The following ADAMTS20 variants were observed in gnomAD, a reference collection of about 807,000 sequenced individuals.
ADAMTS20 encodes A disintegrin and metalloproteinase with thrombospondin motifs 20.
Under a neutral mutation model 260.1 loss-of-function variants are expected in ADAMTS20, and 225 were observed. The ratio of observed to expected loss-of-function variants is 0.87; its 90% CI spans 0.78 to 0.97. ADAMTS20 has a LOEUF of 0.97. Among genes scored for constraint, ADAMTS20 ranks in the 50% least tolerant of loss-of-function variants. The pLI is 0.00. For missense variants in ADAMTS20, 2,400 were observed against 2,337.7 expected (o/e 1.03, Z -0.55); for synonymous variants, 802 against 769.5 (o/e 1.04, Z -0.70).
Position 43,551,904 on chromosome 12 carries a change from C to T in ADAMTS20, c.18G>A (p.Trp6Ter), listed in dbSNP as rs769088137. The part of the protein sequence containing the change: MWVAK[W>*]LTGLLYHLSL... ...AGAGATGGTAGAGCAGCCCAGTCAG[C>T]CACTTGGCCACCCACATGGTTCCAC... Residue 6 changes from tryptophan (W) to a stop codon, truncating the protein, a stop_gained, in exon 1 of 39, where the codon TGG becomes TGA. Coordinates refer to ENST00000389420, the MANE Select transcript of ADAMTS20 (RefSeq NM_025003.5). LOFTEE classifies it high-confidence loss of function. The surrounding 1 kb of genome is among the most constrained non-coding windows in gnomAD (Gnocchi z 4.6). 1.3e-4 allele frequency: 206 copies of T among 1,613,602 alleles called. 2 individuals carry two copies. Among genetic ancestry groups the T allele is most frequent in the Middle Eastern group, 6.6e-4 (4 of 6,060 alleles).
Position 43,532,060 on chromosome 12 carries a change from T to A in ADAMTS20, c.589A>T (p.Thr197Ser). 4 of 1,601,804 alleles carry A rather than the reference T, an allele frequency of 2.5e-6. No homozygotes were observed. The highest frequency in any genetic ancestry group is 3.4e-6 in the Non-Finnish European group (4 of 1,173,678). Residue 197 changes from threonine to serine, a missense_variant, in exon 3 of 39, where the codon ACT becomes TCT. Transcript: ENST00000389420. ...RQDLNNSFLQ[T>S]LKYCSVSESQ... is the part of the protein sequence containing the mutation. ...CCTGACACACTGCAATACTTCAGAG[T>A]CTGCAGAAAAGAGTTATTTAAGTCT...
At chr12:43,403,581 A>T (rs544498192) in intron 28 of ADAMTS20, among the ~76,000 whole-genome samples, 13 of 152,274 alleles carry the variant, frequency 8.5e-5, no homozygotes, top group Non-Finnish European at 1.2e-4. Context: ...GGGTAACTAT[A>T]AAATACCTAT....
chr12:43,505,461 A>G (rs1179987573), intron 3 of ADAMTS20, among the ~76,000 whole-genome samples: 1 of 152,352 alleles, frequency 6.6e-6, no homozygotes, highest in East Asian at 1.9e-4. Flanking sequence ...CAACCTGATT[A>G]AAAATGAGTA....
intron 31 of ADAMTS20, 143 bp from the exon 32 acceptor site, chr12:43,377,705 T>G (rs1018307511): frequency 2.8e-6 from 2 of 702,672 alleles, no homozygotes; most frequent in Non-Finnish European, 4.4e-6. Flanking sequence ...TGAGCAAACA[T>G]AGGTTCAGAC....
intron 3 of ADAMTS20, among the ~76,000 whole-genome samples, chr12:43,514,774 A>G: frequency 6.6e-6 from 1 of 152,112 alleles, no homozygotes; most frequent in Non-Finnish European, 1.5e-5. Flanking sequence ...AAAATCTTAT[A>G]TCAGTGAATT....
At chr12:43,540,147 G>A (rs12317957) in intron 2 of ADAMTS20, among the ~76,000 whole-genome samples, 2,264 of 152,312 alleles carry the variant, frequency 0.015, 53 homozygotes, top group African/African-American at 0.05. Context: ...TGGGATTACA[G>A]GCGTTAGCCA....
At position 43,375,464 on chromosome 12, in the gene ADAMTS20, G is replaced by C; in HGVS notation, c.5361C>G (p.Asp1787Glu). 6.2e-7 allele frequency: 1 copy of C among 1,613,256 alleles called. No homozygotes were observed. Among genetic ancestry groups the C allele is most frequent in the Non-Finnish European group, 8.5e-7 (1 of 1,179,346 alleles). ...QCPFNGSRRE[D>E]CECDNGHLAA... Reference sequence around the variant, plus strand: ...CTAAGTGTCCATTGTCACATTCACAGTCTTCCCTTCTACTCCCATTAAAAG... The same window carrying C: ...CTAAGTGTCCATTGTCACATTCACACTCTTCCCTTCTACTCCCATTAAAAG... Residue 1787 changes from aspartate (D) to glutamate (E), a missense_variant, in exon 36 of 39, where the codon GAC becomes GAG. Transcript: ENST00000389420.
intron 29 of ADAMTS20, 105 bp from the exon 30 acceptor site, chr12:43,384,082 G>T: frequency 9.7e-7 from 1 of 1,026,668 alleles, no homozygotes; most frequent in Non-Finnish European, 1.3e-6. Context: ...ATACAGCCTG[G>T]TATTAAAACA....
intron 16 of ADAMTS20, 80 bp from the exon 17 acceptor site, chr12:43,440,149 T>C (rs1258438217): frequency 6.3e-6 from 6 of 955,372 alleles, no homozygotes; most frequent in Non-Finnish European, 8.9e-6. Flanking sequence ...CTTTTTTTTT[T>C]TTTTTTTTTT....
intron 19 of ADAMTS20, chr12:43,433,738 ACAC>A: frequency 2.3e-6 from 1 of 444,368 alleles, no homozygotes; most frequent in Non-Finnish European, 4.4e-6. Flanking sequence ...ACACACACAC[ACAC>A]AAACCAAATA....
intron 29 of ADAMTS20, among the ~76,000 whole-genome samples, chr12:43,394,015 A>C (rs1415029322): frequency 1.3e-5 from 2 of 152,084 alleles, no homozygotes; most frequent in Admixed American, 1.3e-4. Flanking sequence ...TTTTAAATGT[A>C]GAACAAATAC....
chr12:43,411,687 C>T (rs1014677466), intron 28 of ADAMTS20, among the ~76,000 whole-genome samples: 7 of 152,026 alleles, frequency 4.6e-5, no homozygotes, highest in Admixed American at 2.0e-4. Context: ...CTTTTTAATA[C>T]CATAAGCTAA....
At chr12:43,542,504 G>A (rs1483380230) in intron 2 of ADAMTS20, among the ~76,000 whole-genome samples, 1 of 58,150 alleles carries the variant, frequency 1.7e-5, no homozygotes, top group African/African-American at 4.8e-5. Context: ...TATCATTTGG[G>A]CCAATCTATT....
chr12:43,492,449 C>A, intron 6 of ADAMTS20, 56 bp downstream of exon 6: 2 of 1,546,836 alleles, frequency 1.3e-6, no homozygotes, highest in South Asian at 1.2e-5. Context: ...AAGTATCAGT[C>A]ATGCAGGAGG....
At chr12:43,370,907 C>T (rs1296546517) in intron 36 of ADAMTS20, among the ~76,000 whole-genome samples, 1 of 152,160 alleles carries the variant, frequency 6.6e-6, no homozygotes, top group Non-Finnish European at 1.5e-5. Context: ...GTACTCATCA[C>T]TTTTTATCTG....
intron 3 of ADAMTS20, among the ~76,000 whole-genome samples, chr12:43,506,485 T>C (rs952279380): frequency 2.0e-5 from 3 of 152,048 alleles, no homozygotes; most frequent in African/African-American, 7.2e-5. Flanking sequence ...TGTTACCTTT[T>C]TTTTTTTTTC....
intron 4 of ADAMTS20, among the ~76,000 whole-genome samples, chr12:43,501,777 A>G (rs1942771034): frequency 1.3e-5 from 2 of 152,178 alleles, no homozygotes; most frequent in South Asian, 2.1e-4. Flanking sequence ...TAAAAATAGT[A>G]TCTTCTCCCC....
intron 29 of ADAMTS20, among the ~76,000 whole-genome samples, chr12:43,396,607 G>T: frequency 6.6e-6 from 1 of 152,008 alleles, no homozygotes; most frequent in East Asian, 1.9e-4. Context: ...TCTATGACAA[G>T]GAAAACTAAT....
chr12:43,466,331 T>A (rs1314121902), intron 9 of ADAMTS20, among the ~76,000 whole-genome samples: 2 of 151,768 alleles, frequency 1.3e-5, no homozygotes, highest in African/African-American at 2.4e-5. Context: ...CAAAAACACA[T>A]AAGGAAACTG....
Sources: gnomAD v4.1 joint callset for allele counts (sites outside exome capture counted in the v4.1 genomes callset) on GRCh38, gnomAD v4.1.1 for gene constraint, Gnocchi (gnomAD v3.1) non-coding constraint, MANE v1.5 for transcripts, NCBI Gene and HGNC (gene_info 2026-07-23, HGNC 2026-07-21) for gene names.